Variants in FRMD3 observed in about 807,000 individuals in gnomAD.
The protein encoded by FRMD3 is FERM domain containing 3.
In FRMD3, 33 loss-of-function variants were observed where a neutral mutation model predicts 70.2. The ratio of observed to expected loss-of-function variants is 0.47; its 90% CI spans 0.36 to 0.63. FRMD3 has a LOEUF of 0.63. FRMD3 is among the 20% of genes least tolerant of loss of function. The pLI is 0.00. For missense variants in FRMD3, 632 were observed against 711.4 expected (o/e 0.89, Z 1.27); for synonymous variants, 279 against 255.9 (o/e 1.09, Z -0.86).
At chr9:83,329,446 C>T (rs988145527) in intron 6 of FRMD3, among the ~76,000 whole-genome samples, 1 of 152,124 alleles carries the variant, frequency 6.6e-6, no homozygotes. Context: ...TCAAAACTGA[C>T]AAAAACATTT....
At chr9:83,310,153 T>C (rs1028411196) in intron 9 of FRMD3, among the ~76,000 whole-genome samples, 3 of 152,224 alleles carry the variant, frequency 2.0e-5, no homozygotes, top group Non-Finnish European at 4.4e-5. Flanking sequence ...GTTGAATATT[T>C]AGCTTTGTAA....
intron 6 of FRMD3, among the ~76,000 whole-genome samples, chr9:83,320,841 TGA>T (rs769823783): frequency 2.6e-5 from 4 of 152,172 alleles, no homozygotes; most frequent in Non-Finnish European, 5.9e-5. Flanking sequence ...TTGTTGTTGC[TGA>T]GAGATTTTTT....
At chr9:83,262,312 T>C (rs1305515247) in intron 13 of FRMD3, among the ~76,000 whole-genome samples, 3 of 152,228 alleles carry the variant, frequency 2.0e-5, no homozygotes, top group African/African-American at 7.2e-5. Context: ...CAGTTTCTTA[T>C]ATCAGCAATC....
At chr9:83,551,016 G>A in the FRMD3 span, among the ~76,000 whole-genome samples, 1 of 151,934 alleles carries the variant, frequency 6.6e-6, no homozygotes, top group African/African-American at 2.4e-5. Flanking sequence ...ATACTATGTT[G>A]AACAGAAGTG....
chr9:83,267,008 A>T, intron 13 of FRMD3: 2 of 1,550,716 alleles, frequency 1.3e-6, no homozygotes, highest in Non-Finnish European at 1.7e-6. Flanking sequence ...GGCACCACAC[A>T]TACCAGTGTT....
intron 3 of FRMD3, among the ~76,000 whole-genome samples, chr9:83,352,750 A>G (rs1824202595): frequency 6.6e-6 from 1 of 152,120 alleles, no homozygotes; most frequent in African/African-American, 2.4e-5. Flanking sequence ...ATGCTTCCTC[A>G]AGCCAGGGGC....
intron 1 of FRMD3, among the ~76,000 whole-genome samples, chr9:83,407,069 C>A (rs1285366756): frequency 2.0e-5 from 3 of 152,160 alleles, no homozygotes; most frequent in African/African-American, 7.2e-5. Flanking sequence ...GCATGAGAGG[C>A]CTCACAGACT....
intron 1 of FRMD3, among the ~76,000 whole-genome samples, chr9:83,531,173 G>A (rs1587531819): frequency 6.6e-6 from 1 of 152,248 alleles, no homozygotes; most frequent in Non-Finnish European, 1.5e-5. Flanking sequence ...GGCAAGAAGA[G>A]GCAAAGGAAC....
At chr9:83,316,120 A>G (rs1299200579) in intron 6 of FRMD3, among the ~76,000 whole-genome samples, 1 of 150,524 alleles carries the variant, frequency 6.6e-6, no homozygotes, top group Non-Finnish European at 1.5e-5. Flanking sequence ...AGGAAGATTG[A>G]CATATATGCC....
rs761889527 is a variant in FRMD3, at chr9:83,343,275, G to A, written c.387C>T (p.Tyr129=). 1.2e-6 allele frequency: 2 copies of A among 1,610,064 alleles called. No individual in the cohort carries two copies. The highest frequency in any genetic ancestry group is 1.7e-6 in the Non-Finnish European group (2 of 1,176,452). ...GAAAAATGTCCCTTTTAATCTGAAG[G>A]TATAAAAGGTATCTGCAATACAAAA... is the stretch of plus-strand genomic sequence containing the variant. The part of the protein sequence containing the change: ...IKEELTRYLL[Y]LQIKRDIFHG... The change falls in exon 5 of 14, where the codon TAC becomes TAT. Residue 129 remains tyrosine, a synonymous_variant. Transcript: ENST00000304195.
At chr9:83,436,542 A>G (rs1359501914) in intron 1 of FRMD3, among the ~76,000 whole-genome samples, 1 of 151,884 alleles carries the variant, frequency 6.6e-6, no homozygotes, top group Admixed American at 6.6e-5. Context: ...TCAGGAAGCA[A>G]TAAAGAGATC....
At chr9:83,295,838 T>C (rs1834639930) in intron 12 of FRMD3, among the ~76,000 whole-genome samples, 1 of 152,156 alleles carries the variant, frequency 6.6e-6, no homozygotes, top group Admixed American at 6.5e-5. Context: ...CAGTGGCCAG[T>C]TCAGGAGGGT....
intron 1 of FRMD3, among the ~76,000 whole-genome samples, chr9:83,478,810 G>A (rs1828460649): frequency 6.6e-6 from 1 of 152,104 alleles, no homozygotes; most frequent in Admixed American, 6.5e-5. Flanking sequence ...ATATAATTCA[G>A]CTTTAAACAG....
chr9:83,265,928 T>C (rs1190851595), intron 13 of FRMD3, among the ~76,000 whole-genome samples: 1 of 152,178 alleles, frequency 6.6e-6, no homozygotes, highest in Non-Finnish European at 1.5e-5. Flanking sequence ...GTACCATCTG[T>C]TACAGCCAAA....
chr9:83,454,361 G>C lies in FRMD3; in HGVS notation c.148-64653C>G, dbSNP rs115551661. ...CATTCCAATCACTCCCATACAACCT[G>C]GCTCTTGGCTGGGCACAGATACATG... On this transcript the variant is annotated intron_variant, in intron 1 of 13. Transcript: ENST00000304195. 3.5e-3 allele frequency among the ~76,000 whole-genome samples: 526 copies of C among 152,222 alleles called. 3 individuals carry two copies. Among genetic ancestry groups the C allele is most frequent in the African/African-American group, 0.012 (488 of 41,538 alleles).
chr9:83,338,846 T>C (rs570949727), intron 5 of FRMD3, among the ~76,000 whole-genome samples: 1 of 152,290 alleles, frequency 6.6e-6, no homozygotes, highest in African/African-American at 2.4e-5. Flanking sequence ...CATAAACTGA[T>C]GATTAACTCA....
intron 4 of FRMD3, among the ~76,000 whole-genome samples, chr9:83,343,584 C>T (rs1318558045): frequency 2.6e-5 from 4 of 152,200 alleles, no homozygotes; most frequent in Non-Finnish European, 5.9e-5. Context: ...GTGGCCAGAG[C>T]TCCTGGCAGC....
At chr9:83,565,900 T>C in the FRMD3 span, among the ~76,000 whole-genome samples, 23 of 152,336 alleles carry the variant, frequency 1.5e-4, no homozygotes, top group African/African-American at 5.1e-4. Flanking sequence ...TGTTAACACT[T>C]AGAGCTGGCT....
At chr9:83,250,754 A>G (rs1832371111) in intron 13 of FRMD3, among the ~76,000 whole-genome samples, 1 of 152,220 alleles carries the variant, frequency 6.6e-6, no homozygotes, top group East Asian at 1.9e-4. Flanking sequence ...GTGGCTGGAC[A>G]GCTTTCTTAA....
Sources: gnomAD v4.1 joint callset for allele counts (sites outside exome capture counted in the v4.1 genomes callset) on GRCh38, gnomAD v4.1.1 for gene constraint, MANE v1.5 for transcripts, NCBI Gene and HGNC (gene_info 2026-07-23, HGNC 2026-07-21) for gene names.